Variants in CCNA1 observed in about 807,000 individuals in gnomAD.
CCNA1 encodes the protein cyclin-A1.
Under a neutral mutation model 54.1 loss-of-function variants are expected in CCNA1, and 23 were observed. The observed-to-expected ratio is 0.42, with a 90% CI of 0.31 to 0.60. The LOEUF is 0.60. Among genes scored for constraint, CCNA1 ranks in the 20% least tolerant of loss-of-function variants. CCNA1 has a pLI of 0.14. For synonymous variants in CCNA1, 208 were observed against 213.9 expected, an observed-to-expected ratio of 0.97 and a Z score of 0.24; for missense variants, 450 against 556.7, an observed-to-expected ratio of 0.81 and a Z score of 1.93.
intron 7 of CCNA1, 62 bp downstream of exon 7, chr13:36,441,293 A>T (rs2055871842): frequency 1.0e-6 from 1 of 960,758 alleles, no homozygotes; most frequent in East Asian, 2.4e-5. Flanking sequence ...CTTGCCTCTT[A>T]TGAGGGCAAG....
rs267603811 is a variant in CCNA1 at position 36,438,755 on chromosome 13, C to G, written c.781C>G (p.Arg261Gly). The G allele has an allele frequency of 2.5e-6, 4 of 1,613,924 alleles. No individual in the cohort carries two copies. The highest frequency in any genetic ancestry group is 3.4e-6 in the Non-Finnish European group (4 of 1,179,960). ...GGAGGTTGGGGAAGAATATAAACTTCGAGCAGAGACCCTGTATCTGGCTGT... is the reference window on the plus strand; with the variant it reads ...GGAGGTTGGGGAAGAATATAAACTTGGAGCAGAGACCCTGTATCTGGCTGT... Residue 261 changes from arginine (R) to glycine (G), a missense_variant, in exon 5 of 9, where the codon CGA becomes GGA. By Grantham distance (125) the Arg-to-Gly change is moderately radical (BLOSUM62 -2). Coordinates refer to ENST00000255465, the MANE Select transcript of CCNA1 (RefSeq NM_003914.4).
In CCNA1 at chr13:36,432,728, AG is replaced by A. The variant is rs575052246; in HGVS notation, c.108+1del. The stretch of plus-strand genomic sequence containing the variant: ...CCGGGGCTCCCAGATTTCGTCTTCC[AG>A]GTAACGTGGGTTTAGTATCCCGACT... On this transcript the variant is annotated frameshift_variant and splice_region_variant, in exon 1 of 9. Transcript: ENST00000255465. LOFTEE classifies it high-confidence loss of function. The A allele has an allele frequency of 1.1e-4, 172 of 1,597,224 alleles. No homozygotes were observed. The East Asian group carries it at 3.7e-3, about 34-fold the overall frequency.
At chr13:36,441,069 A>T (rs371483597) in intron 6 of CCNA1, 49 bp from the exon 7 acceptor site, 1 of 978,998 alleles carries the variant, frequency 1.0e-6, no homozygotes, top group African/African-American at 1.6e-5. Flanking sequence ...CTTACTTGTG[A>T]CCTTAGTCAC....
chr13:36,433,227 G>T lies in CCNA1; in HGVS notation c.297+6G>T. The T allele has an allele frequency of 1.2e-6, 2 of 1,606,258 alleles. No homozygotes were observed. Among genetic ancestry groups the T allele is most frequent in the South Asian group, 1.1e-5 (1 of 89,984 alleles). On this transcript the variant is annotated splice_donor_region_variant and intron_variant, in intron 2 of 8. Transcript: ENST00000255465. ...ACAGGAGGACCTGTGGCCAGGTAATGACTCAGACGCATTGAGAATGATGCT... is the reference window on the plus strand; with the variant it reads ...ACAGGAGGACCTGTGGCCAGGTAATTACTCAGACGCATTGAGAATGATGCT...
chr13:36,431,778 T>C (rs912977801), upstream of CCNA1: 3 of 152,134 alleles, frequency 2.0e-5, no homozygotes, highest in South Asian at 6.2e-4. Flanking sequence ...GAAGCGTAGG[T>C]GTGTGAGCCG....
rs1338905880 is a variant in CCNA1 at position 36,432,534 on chromosome 13, C to A, written c.-88C>A. The A allele has an allele frequency of 2.8e-6, 2 of 711,216 alleles. No individual in the cohort carries two copies. The highest frequency in any genetic ancestry group is 4.7e-6 in the Non-Finnish European group (2 of 421,868). 44.1% of individuals were successfully genotyped at this position (711,216 alleles called of 1,614,324 possible). A position where few individuals can be genotyped will look rare whatever the true frequency, so the allele number is the denominator to read the frequency against. On this transcript the variant is annotated 5_prime_UTR_variant, in exon 1 of 9. Transcript: ENST00000255465. ...CATAGAAAGATAACGACGGGAAGAG[C>A]GGGGCCCGCTTTGGGGTCCAGGCAG...
intron 2 of CCNA1, among the ~76,000 whole-genome samples, chr13:36,435,147 G>C (rs540685290): frequency 6.6e-6 from 1 of 152,204 alleles, no homozygotes. Context: ...TCTAGGAGCT[G>C]TTTGCATTAT....
intron 5 of CCNA1, 81 bp downstream of exon 5, chr13:36,438,948 G>GA: frequency 1.0e-6 from 1 of 976,080 alleles, no homozygotes; most frequent in Non-Finnish European, 1.6e-6. Context: ...TCTTATTGAA[G>GA]AAATGCAATG....
chr13:36,431,830 G>A, upstream of CCNA1: 1 of 152,850 alleles, frequency 6.5e-6, no homozygotes, highest in Non-Finnish European at 1.5e-5. Context: ...TGGGCAGGGC[G>A]CCGCAGCCTG....
chr13:36,441,638 A>G (rs2137837500), intron 7 of CCNA1, among the ~76,000 whole-genome samples: 1 of 152,348 alleles, frequency 6.6e-6, no homozygotes. Flanking sequence ...AGGGCAGTAA[A>G]GTGTTGCCTC....
At chr13:36,433,983 G>C (rs2055769550) in intron 2 of CCNA1, among the ~76,000 whole-genome samples, 1 of 152,228 alleles carries the variant, frequency 6.6e-6, no homozygotes, top group African/African-American at 2.4e-5. Context: ...TAAGGGCTGG[G>C]CTAAAAGGAA....
At chr13:36,440,668 A>C (rs1022914217) in intron 6 of CCNA1, among the ~76,000 whole-genome samples, 16 of 152,178 alleles carry the variant, frequency 1.1e-4, no homozygotes, top group African/African-American at 3.4e-4. Flanking sequence ...TGCTGTGCAA[A>C]GGGTAATAAG....
chr13:36,436,121 C>T (rs772195824), intron 2 of CCNA1, among the ~76,000 whole-genome samples: 21 of 152,152 alleles, frequency 1.4e-4, no homozygotes, highest in Non-Finnish European at 2.9e-5. Flanking sequence ...ACTTACTCTC[C>T]ACCTGTGCAC....
intron 7 of CCNA1, among the ~76,000 whole-genome samples, chr13:36,441,918 C>G (rs1166990805): frequency 6.6e-6 from 1 of 152,028 alleles, no homozygotes; most frequent in Non-Finnish European, 1.5e-5. Context: ...GTAAAAATTT[C>G]ACTCATGAGG....
In CCNA1 at chr13:36,432,513, G is replaced by C; in HGVS notation, c.-109G>C. The C allele has an allele frequency of 1.8e-6, 1 of 543,190 alleles. No homozygotes were observed. The highest frequency in any genetic ancestry group is 3.3e-6 in the Non-Finnish European group (1 of 304,498). The allele number at this position is 543,190 out of a possible 1,614,324, so 33.6% of individuals were successfully genotyped here. ...ACTTGCCAGTTGTTCCGGACACATA[G>C]AAAGATAACGACGGGAAGAGCGGGG... On this transcript the variant is annotated 5_prime_UTR_variant, in exon 1 of 9. Transcript: ENST00000255465.
upstream of CCNA1, chr13:36,431,818 C>G (rs187701340): frequency 1.3e-5 from 2 of 152,700 alleles, no homozygotes; most frequent in Non-Finnish European, 2.9e-5. Context: ...CTCGGGCCAG[C>G]GTGGGCAGGG....
intron 2 of CCNA1, among the ~76,000 whole-genome samples, chr13:36,436,453 T>C (rs2055806882): frequency 6.6e-6 from 1 of 152,232 alleles, no homozygotes; most frequent in African/African-American, 2.4e-5. Context: ...TTTTTAAACA[T>C]TTTGTTCACT....
At chr13:36,433,285 G>A (rs900115566) in intron 2 of CCNA1, 64 bp downstream of exon 2, 34 of 1,386,808 alleles carry the variant, frequency 2.5e-5, no homozygotes, top group Non-Finnish European at 2.9e-5. Context: ...TTGGTGCCAG[G>A]TGCTTTTCTC....
rs1393618759 is a variant in CCNA1, at chr13:36,434,889, T to C, written c.297+1668T>C. ...CTTCTTGCTTCTTCAAGGATGTTAC[T>C]CTAGCCACTTTTCTTTCTCTCATGA... On this transcript the variant is annotated intron_variant, in intron 2 of 8. Transcript: ENST00000255465. 2.7e-5 allele frequency among the ~76,000 whole-genome samples: 4 copies of C among 149,612 alleles called. No homozygotes were observed. In the East Asian group the frequency reaches 8.4e-4, roughly 31 times the overall value.
Sources: gnomAD v4.1 joint callset for allele counts (sites outside exome capture counted in the v4.1 genomes callset) on GRCh38, gnomAD v4.1.1 for gene constraint, MANE v1.5 for transcripts, NCBI Gene and HGNC (gene_info 2026-07-23, HGNC 2026-07-21) for gene names.